HTRA1: variants seen among roughly 807,000 people sequenced by gnomAD.
The protein encoded by HTRA1 is HtrA serine peptidase 1, also known as serine protease HTRA1.
Under a neutral mutation model 49.7 loss-of-function variants are expected in HTRA1, and 26 were observed. The observed-to-expected ratio is 0.52, with a 90% CI of 0.38 to 0.73. HTRA1 has a LOEUF of 0.73. Ranked by LOEUF, HTRA1 falls within the 30% of genes least tolerant of loss-of-function variation. The probability of loss-of-function intolerance (pLI) is 0.00; values close to 1 mark genes in which losing one functional copy is unlikely to be tolerated. For synonymous variants in HTRA1, 291 were observed against 286.9 expected, an observed-to-expected ratio of 1.01 and a Z score of -0.14; for missense variants, 561 against 667.2, an observed-to-expected ratio of 0.84 and a Z score of 1.75.
intron 1 of HTRA1, among the ~76,000 whole-genome samples, chr10:122,465,134 A>G (rs1227772555): frequency 6.6e-6 from 1 of 152,170 alleles, no homozygotes; most frequent in Admixed American, 6.5e-5. Context: ...TAAGCTGTTT[A>G]TTGAATAGAC....
chr10:122,502,178 A>G lies in HTRA1; in HGVS notation c.778-4513A>G, dbSNP rs186798564. On this transcript the variant is annotated intron_variant, in intron 3 of 8. Coordinates refer to ENST00000368984, the MANE Select transcript of HTRA1 (RefSeq NM_002775.5). ...GTCTCTGCCCATGAGACAAAAGCCGAGAGGGCAAGGGCAGATTTTCTTAAT... is the reference window on the plus strand; with the variant it reads ...GTCTCTGCCCATGAGACAAAAGCCGGGAGGGCAAGGGCAGATTTTCTTAAT... Among the ~76,000 whole-genome samples the G allele has an allele frequency of 5.7e-4, 86 of 152,110 alleles. 2 individuals carry two copies. The highest frequency in any genetic ancestry group is 3.9e-3 in the Admixed American group (59 of 15,270).
rs1214825840 is a variant in HTRA1, at chr10:122,508,691, G to A, written c.1041G>A (p.Val347=). ...GEVIGINTLK[V]TAGISFAIPS... is the part of the protein sequence containing the mutation. Reference sequence around the variant, plus strand: ...TGATTGGAATTAACACTTTGAAAGTGACAGCTGGAATCTCCTTTGCAATCC... The same window carrying A: ...TGATTGGAATTAACACTTTGAAAGTAACAGCTGGAATCTCCTTTGCAATCC... The change falls in exon 6 of 9, where the codon GTG becomes GTA. Residue 347 remains valine (V), a synonymous_variant. Transcript: ENST00000368984. The A allele has an allele frequency of 6.2e-7, 1 of 1,613,848 alleles. No homozygotes were observed. The highest frequency in any genetic ancestry group is 1.7e-5 in the Admixed American group (1 of 60,032).
intron 1 of HTRA1, among the ~76,000 whole-genome samples, chr10:122,481,952 AC>A (rs1032291443): frequency 7.2e-5 from 11 of 151,766 alleles, no homozygotes; most frequent in Admixed American, 5.3e-4. Flanking sequence ...GTCCAATAAA[AC>A]CTCCTTCTTT....
intron 1 of HTRA1, among the ~76,000 whole-genome samples, chr10:122,474,240 T>G (rs2097487445): frequency 6.6e-6 from 1 of 152,200 alleles, no homozygotes; most frequent in Non-Finnish European, 1.5e-5. Flanking sequence ...ATCTTACCAC[T>G]GAGGTAACTG....
chr10:122,505,861 A>G (rs2097502828), intron 3 of HTRA1, among the ~76,000 whole-genome samples: 3 of 152,118 alleles, frequency 2.0e-5, no homozygotes, highest in Admixed American at 2.0e-4. Flanking sequence ...TCCCTGATAG[A>G]GCTAGGGAGG....
chr10:122,508,551 A>C, intron 5 of HTRA1, 105 bp from the exon 6 acceptor site: 1 of 828,844 alleles, frequency 1.2e-6, no homozygotes, highest in Non-Finnish European at 2.1e-6. Flanking sequence ...CCCCACTTCG[A>C]TCTCTGAAAT....
chr10:122,487,040 C>A lies in HTRA1; in HGVS notation c.473-1862C>A, dbSNP rs985750453. Among the ~76,000 whole-genome samples, 2 of 151,970 alleles carry A rather than the reference C, an allele frequency of 1.3e-5. No individual in the cohort carries two copies. The highest frequency in any genetic ancestry group is 2.9e-5 in the Non-Finnish European group (2 of 67,998). ...CACAGGCCTGTTGGTAAATGAGACA[C>A]AAAATACCTACAAAATACAAAATGT... On this transcript the variant is annotated intron_variant, in intron 1 of 8. Coordinates refer to ENST00000368984, the MANE Select transcript of HTRA1 (RefSeq NM_002775.5). The surrounding 1 kb of genome is among the most constrained non-coding windows in gnomAD (Gnocchi z 4.8).
At chr10:122,501,272 C>A (rs1403171718) in intron 3 of HTRA1, among the ~76,000 whole-genome samples, 2 of 152,176 alleles carry the variant, frequency 1.3e-5, no homozygotes, top group African/African-American at 2.4e-5. Context: ...GATTCTGCTC[C>A]CATCACCTGA....
At chr10:122,477,007 A>G (rs373346837) in intron 1 of HTRA1, among the ~76,000 whole-genome samples, 38 of 128,978 alleles carry the variant, frequency 2.9e-4, no homozygotes, top group East Asian at 1.5e-3. Context: ...TCACTTTGTC[A>G]CCCAGGCTGG....
At chr10:122,496,076 C>A (rs1417168367) in intron 3 of HTRA1, among the ~76,000 whole-genome samples, 2 of 152,088 alleles carry the variant, frequency 1.3e-5, no homozygotes, top group African/African-American at 2.4e-5. Context: ...GCCCCAGTGG[C>A]AGGCAATTAA....
chr10:122,507,321 A>G (rs767250697), intron 4 of HTRA1, 49 bp from the exon 5 acceptor site: 5 of 1,525,758 alleles, frequency 3.3e-6, no homozygotes, highest in African/African-American at 1.4e-5. Flanking sequence ...CATAGATTGA[A>G]CCATGTTATG....
chr10:122,484,286 C>T (rs984437245), intron 1 of HTRA1, among the ~76,000 whole-genome samples: 4 of 152,176 alleles, frequency 2.6e-5, no homozygotes, highest in African/African-American at 9.7e-5. Context: ...TAAGAGCTCA[C>T]CTGGGCTGCA....
chr10:122,474,261 AGGGGAAGT>A (rs2097487457), intron 1 of HTRA1, among the ~76,000 whole-genome samples: 2 of 152,192 alleles, frequency 1.3e-5, no homozygotes, highest in Admixed American at 1.3e-4. Flanking sequence ...AGGCCCAGGA[AGGGGAAGT>A]GGCTTGTTTT....
At chr10:122,488,522 A>G (rs2097494104) in intron 1 of HTRA1, among the ~76,000 whole-genome samples, 1 of 152,194 alleles carries the variant, frequency 6.6e-6, no homozygotes, top group Non-Finnish European at 1.5e-5. Flanking sequence ...AGATTGCGCC[A>G]TTGCACTCCA....
intron 3 of HTRA1, among the ~76,000 whole-genome samples, chr10:122,492,295 T>C (rs1008115454): frequency 6.6e-6 from 1 of 152,196 alleles, no homozygotes; most frequent in African/African-American, 2.4e-5. Flanking sequence ...CTGATTTCAC[T>C]TGGAGGGGCC....
chr10:122,465,414 G>A (rs1378991714), intron 1 of HTRA1, among the ~76,000 whole-genome samples: 1 of 152,230 alleles, frequency 6.6e-6, no homozygotes, highest in Non-Finnish European at 1.5e-5. Context: ...AGTCCTATGA[G>A]TGAGTGCTGT....
At chr10:122,510,046 A>G in intron 6 of HTRA1, 50 bp from the exon 7 acceptor site, 2 of 1,524,700 alleles carry the variant, frequency 1.3e-6, no homozygotes, top group African/African-American at 2.7e-5. Flanking sequence ...TGTCCCCAGC[A>G]CCCCCACCAA....
chr10:122,497,778 T>G (rs1184788941), intron 3 of HTRA1, among the ~76,000 whole-genome samples: 1 of 152,250 alleles, frequency 6.6e-6, no homozygotes, highest in Non-Finnish European at 1.5e-5. Flanking sequence ...ATTTACTTAT[T>G]CATTGATTTT....
At chr10:122,463,260 G>A (rs777962609) in intron 1 of HTRA1, among the ~76,000 whole-genome samples, 1 of 152,240 alleles carries the variant, frequency 6.6e-6, no homozygotes, top group Admixed American at 6.5e-5. Context: ...TTACGTGGAC[G>A]GGAAGATGCC....
Sources: gnomAD v4.1 joint callset for allele counts (sites outside exome capture counted in the v4.1 genomes callset) on GRCh38, gnomAD v4.1.1 for gene constraint, Gnocchi (gnomAD v3.1) non-coding constraint, MANE v1.5 for transcripts, NCBI Gene and HGNC (gene_info 2026-07-23, HGNC 2026-07-21) for gene names.